Variants in THAP4 observed in about 807,000 individuals in gnomAD.
THAP4 encodes the protein THAP domain containing 4.
THAP4 carries 18 observed loss-of-function variants against 48.1 expected under a neutral mutation model. The observed-to-expected ratio is 0.37, with a 90% CI of 0.26 to 0.56. The LOEUF is 0.56. Ranked by LOEUF, THAP4 falls within the 20% of genes least tolerant of loss-of-function variation. THAP4 has a pLI of 0.78. For missense variants in THAP4, 656 were observed against 774.9 expected (o/e 0.85, Z 1.82); for synonymous variants, 345 against 324.9 (o/e 1.06, Z -0.66).
chr2:241,625,263 C>T (rs1303129093), intron 2 of THAP4, among the ~76,000 whole-genome samples: 1 of 151,974 alleles, frequency 6.6e-6, no homozygotes, highest in Non-Finnish European at 1.5e-5. Context: ...TCACTTGGAC[C>T]CAGGAGTTCG....
intron 5 of THAP4, among the ~76,000 whole-genome samples, chr2:241,600,390 G>A (rs572205132): frequency 5.1e-4 from 78 of 152,108 alleles, no homozygotes; most frequent in African/African-American, 1.7e-3. Context: ...AGAGATTAAA[G>A]GTCTAGGTGG....
intron 3 of THAP4, among the ~76,000 whole-genome samples, 190 bp downstream of exon 3, chr2:241,606,124 A>G (rs2067180510): frequency 6.6e-6 from 1 of 152,248 alleles, no homozygotes; most frequent in Non-Finnish European, 1.5e-5. Flanking sequence ...TAACAGAACC[A>G]GAAAGTATCA....
chr2:241,607,210 G>A (rs1453492026), intron 2 of THAP4, among the ~76,000 whole-genome samples: 1 of 152,088 alleles, frequency 6.6e-6, no homozygotes, highest in Admixed American at 6.6e-5. Flanking sequence ...ACTCAGAGGT[G>A]GGGGTGCAGT....
intron 2 of THAP4, among the ~76,000 whole-genome samples, chr2:241,609,793 AAAG>A (rs1389509800): frequency 3.3e-5 from 5 of 151,520 alleles, no homozygotes; most frequent in African/African-American, 4.9e-5. Flanking sequence ...AAAAAAAAAA[AAAG>A]AAAGAAAGAG....
chr2:241,590,823 C>A (rs1475816187), intron 5 of THAP4, among the ~76,000 whole-genome samples: 1 of 151,786 alleles, frequency 6.6e-6, no homozygotes, highest in Admixed American at 6.6e-5. Flanking sequence ...GGCACTAGGA[C>A]ACGCAGAGCT....
intron 2 of THAP4, among the ~76,000 whole-genome samples, chr2:241,608,127 G>T (rs6714810): frequency 0.33 from 49,605 of 151,846 alleles, 8,419 homozygotes; most frequent in South Asian, 0.46. Flanking sequence ...AAAGAAGATC[G>T]GGGGAAAGGA....
intron 2 of THAP4, among the ~76,000 whole-genome samples, chr2:241,628,764 CA>C (rs1042396027): frequency 7.1e-6 from 1 of 139,868 alleles, no homozygotes; most frequent in Admixed American, 7.1e-5. Context: ...ACAAAAAAAA[CA>C]AAAAAACAAA....
intron 2 of THAP4, among the ~76,000 whole-genome samples, chr2:241,620,153 T>TCGGTGAGTGAGGGGTGAGGGGTGAGG: frequency 3.1e-5 from 1 of 32,454 alleles, no homozygotes; most frequent in Non-Finnish European, 5.6e-5. Flanking sequence ...GAGGGGTGAG[T>TCGGTGAGTGAGGGGTGAGGGGTGAGG]GAGTCGGTGA....
Position 241,620,661 on chromosome 2 carries a change from T to G in THAP4, c.1240+12256A>C, listed in dbSNP as rs2067418583. Among the ~76,000 whole-genome samples the G allele has an allele frequency of 2.0e-5, 3 of 151,326 alleles. No individual in the cohort carries two copies. In the South Asian group the frequency reaches 6.2e-4, roughly 31 times the overall value. ...AGTGAGTGAGGGGTGAGTGAGTCGG[T>G]GACTGAGGCAGTGACTGCGGCGGTG... On this transcript the variant is annotated intron_variant, in intron 2 of 5. Coordinates refer to ENST00000407315, the MANE Select transcript of THAP4 (RefSeq NM_015963.6).
intron 1 of THAP4, 65 bp downstream of exon 1, chr2:241,636,876 C>A (rs1409729135): frequency 2.1e-6 from 2 of 972,238 alleles, no homozygotes; most frequent in Non-Finnish European, 2.5e-6. Flanking sequence ...GGGCCGGCCG[C>A]GGGGCCTCAG....
intron 5 of THAP4, among the ~76,000 whole-genome samples, chr2:241,585,406 TG>T (rs2066881601): frequency 1.1e-5 from 1 of 93,876 alleles, no homozygotes; most frequent in South Asian, 4.2e-4. Context: ...TCATGTGGGG[TG>T]GGGGGCACCA....
Position 241,633,402 on chromosome 2 carries a change from G to A in THAP4, c.755C>T (p.Pro252Leu), listed in dbSNP as rs985607199. The A allele has an allele frequency of 3.1e-6, 5 of 1,613,558 alleles. No individual in the cohort carries two copies. Among genetic ancestry groups the A allele is most frequent in the Non-Finnish European group, 4.2e-6 (5 of 1,180,006 alleles). ...CCTCTTGCGGTCAATGGGCTCTCGG[G>A]GGACAGATGGCCTTTCTCGGGTGTG... ...SKHTRERPSV[P>L]REPIDRKRLK... is the part of the protein sequence containing the mutation. Residue 252 changes from proline (P) to leucine (L), a missense_variant, in exon 2 of 6, where the codon CCC (proline) becomes CTC (leucine). Transcript: ENST00000407315. The surrounding 1 kb of genome is among the most constrained non-coding windows in gnomAD (Gnocchi z 7.5).
intron 5 of THAP4, among the ~76,000 whole-genome samples, chr2:241,594,225 AGGGGTTG>A (rs2067022117): frequency 6.6e-6 from 1 of 152,162 alleles, no homozygotes; most frequent in South Asian, 2.1e-4. Flanking sequence ...AGTGGTAGCC[AGGGGTTG>A]GGGGAGATGG....
At chr2:241,586,594 C>T (rs2066899530) in intron 5 of THAP4, among the ~76,000 whole-genome samples, 1 of 152,174 alleles carries the variant, frequency 6.6e-6, no homozygotes, top group Non-Finnish European at 1.5e-5. Flanking sequence ...CACCCTCACC[C>T]AGGGGATACC....
chr2:241,589,420 G>C (rs149387172), intron 5 of THAP4, among the ~76,000 whole-genome samples: 2 of 152,124 alleles, frequency 1.3e-5, no homozygotes, highest in Non-Finnish European at 2.9e-5. Flanking sequence ...TAAACAAATG[G>C]GCAAAAAATC....
intron 5 of THAP4, among the ~76,000 whole-genome samples, chr2:241,589,174 T>C (rs965536692): frequency 2.0e-5 from 3 of 150,420 alleles, no homozygotes; most frequent in South Asian, 2.1e-4. Flanking sequence ...GATCAGGCCA[T>C]TGCATTCCAG....
chr2:241,631,409 C>A (rs942657240), intron 2 of THAP4, among the ~76,000 whole-genome samples: 1 of 152,166 alleles, frequency 6.6e-6, no homozygotes, highest in African/African-American at 2.4e-5. Flanking sequence ...TTAAGAAATA[C>A]TTAACAGTAA....
chr2:241,593,366 A>G lies in THAP4; in HGVS notation c.1614+8530T>C, dbSNP rs562432587. Among the ~76,000 whole-genome samples the G allele has an allele frequency of 2.6e-5, 4 of 152,376 alleles. No individual in the cohort carries two copies. The South Asian group carries it at 6.2e-4, about 24-fold the overall frequency. On this transcript the variant is annotated intron_variant, in intron 5 of 5. Coordinates refer to ENST00000407315, the MANE Select transcript of THAP4 (RefSeq NM_015963.6). ...GAGGTGAGGCCTCCCGGGTGAGGAC[A>G]GCACTGTGTCTCCTGCAACAGCCCC...
At chr2:241,599,107 C>G (rs1380734447) in intron 5 of THAP4, among the ~76,000 whole-genome samples, 1 of 152,006 alleles carries the variant, frequency 6.6e-6, no homozygotes, top group African/African-American at 2.4e-5. Flanking sequence ...CAAAAATTAG[C>G]TGGGTGTGGT....
Sources: gnomAD v4.1 joint callset for allele counts (sites outside exome capture counted in the v4.1 genomes callset) on GRCh38, gnomAD v4.1.1 for gene constraint, Gnocchi (gnomAD v3.1) non-coding constraint, MANE v1.5 for transcripts, NCBI Gene and HGNC (gene_info 2026-07-23, HGNC 2026-07-21) for gene names.